The following MAN2A1 variants were observed in gnomAD, a reference collection of about 807,000 sequenced individuals.
MAN2A1 encodes the protein mannosidase alpha class 2A member 1, also known as alpha-mannosidase 2.
Under a neutral mutation model 142.6 loss-of-function variants are expected in MAN2A1, and 76 were observed. The observed-to-expected ratio is 0.53, with a 90% confidence interval of 0.44 to 0.65. The LOEUF is 0.65. Among genes scored for constraint, MAN2A1 ranks in the 30% least tolerant of loss-of-function variants. MAN2A1 has a pLI of 0.00. For synonymous variants in MAN2A1, 559 were observed against 473.2 expected, an observed-to-expected ratio of 1.18 and a Z score of -2.35; for missense variants, 1,311 against 1,365.1, an observed-to-expected ratio of 0.96 and a Z score of 0.62.
In MAN2A1 at chr5:109,755,443, G is replaced by C; in HGVS notation, c.822G>C (p.Leu274=). The change falls in exon 5 of 22, where the codon CTG becomes CTC. Residue 274 remains leucine (L), a synonymous_variant. Transcript: ENST00000261483. ...AACTAATTGAAGGACATCAGTGGCT[G>C]GAAAATAATATAGGTATGTATTGGT... The part of the protein sequence containing the change: ...IDQLIEGHQW[L]ENNIGVKPRS... The C allele has an allele frequency of 1.2e-6, 2 of 1,611,356 alleles. No individual in the cohort carries two copies. Among genetic ancestry groups the C allele is most frequent in the Non-Finnish European group, 1.7e-6 (2 of 1,177,778 alleles).
intron 8 of MAN2A1, among the ~76,000 whole-genome samples, chr5:109,776,404 C>G (rs972505600): frequency 6.6e-6 from 1 of 151,828 alleles, no homozygotes; most frequent in Admixed American, 6.6e-5. Flanking sequence ...GTGTATTTTC[C>G]TGAGAGATGA....
chr5:109,763,046 C>T lies in MAN2A1; in HGVS notation c.836-4489C>T, dbSNP rs1450970773. On this transcript the variant is annotated intron_variant, in intron 5 of 21. Coordinates refer to ENST00000261483, the MANE Select transcript of MAN2A1 (RefSeq NM_002372.4). ...TACAGGGTTACAACAGAGGAGACTT[C>T]GTTATCATGCTGGCTCAAGTAGACC... Among the ~76,000 whole-genome samples the T allele has an allele frequency of 2.0e-5, 3 of 152,196 alleles. No individual in the cohort carries two copies. In the East Asian group the frequency reaches 5.8e-4, roughly 29 times the overall value.
At position 109,851,123 on chromosome 5, in the gene MAN2A1, C is replaced by T. The variant is rs531897243; in HGVS notation, c.2976+3333C>T. 1.2e-3 allele frequency among the ~76,000 whole-genome samples: 186 copies of T among 152,228 alleles called. 1 individual carries two copies. The highest frequency in any genetic ancestry group is 4.3e-3 in the African/African-American group (178 of 41,536). ...TGACAGAGCCTCATGGAAATAATCC[C>T]GAGCTGACTAAGTGGAAGTAAGTCC... is the stretch of plus-strand genomic sequence containing the variant. On this transcript the variant is annotated intron_variant, in intron 19 of 21. Coordinates refer to ENST00000261483, the MANE Select transcript of MAN2A1 (RefSeq NM_002372.4).
At chr5:109,806,120 A>G (rs1156545519) in intron 12 of MAN2A1, among the ~76,000 whole-genome samples, 2 of 152,120 alleles carry the variant, frequency 1.3e-5, no homozygotes, top group Non-Finnish European at 2.9e-5. Context: ...GCAGTCTGAT[A>G]AGGCTCTGTT....
rs11351742 is a variant in MAN2A1 at position 109,867,157 on chromosome 5, G to GAAAAAAAAAAA, written c.*170_*180dup. 1.1e-5 allele frequency: 1 copy of GAAAAAAAAAAA among 93,454 alleles called. No homozygotes were observed. Among genetic ancestry groups the GAAAAAAAAAAA allele is most frequent in the Non-Finnish European group, 2.1e-5 (1 of 47,770 alleles). 5.8% of individuals were successfully genotyped at this position (93,454 alleles called of 1,614,324 possible). A position where few individuals can be genotyped will look rare whatever the true frequency, so the allele number is the denominator to read the frequency against. ...CTTTTTTCTTTTACCAGTACAGTAA[G>GAAAAAAAAAAA]AAAAAAAAAAAAAAAAAAAAAGCCA... On this transcript the variant is annotated 3_prime_UTR_variant, in exon 22 of 22. Transcript: ENST00000261483.
chr5:109,771,378 G>A (rs1305654410), intron 7 of MAN2A1, among the ~76,000 whole-genome samples: 4 of 152,104 alleles, frequency 2.6e-5, no homozygotes, highest in Non-Finnish European at 5.9e-5. Flanking sequence ...AGTGTGTGAG[G>A]AAGAAGGTGA....
chr5:109,843,621 A>C (rs1003216136), intron 17 of MAN2A1, among the ~76,000 whole-genome samples: 1 of 152,220 alleles, frequency 6.6e-6, no homozygotes, highest in Non-Finnish European at 1.5e-5. Context: ...ACACAGACAC[A>C]CATGTATACA....
chr5:109,785,807 G>A (rs970378780), intron 10 of MAN2A1, among the ~76,000 whole-genome samples: 1 of 151,926 alleles, frequency 6.6e-6, no homozygotes, highest in African/African-American at 2.4e-5. Flanking sequence ...TATCAGCAGT[G>A]TTGTGCTTTG....
intron 5 of MAN2A1, among the ~76,000 whole-genome samples, chr5:109,761,527 C>T (rs1418621681): frequency 6.6e-6 from 1 of 152,014 alleles, no homozygotes; most frequent in Non-Finnish European, 1.5e-5. Context: ...GTTAAAAAGT[C>T]ATTGACTTCC....
intron 7 of MAN2A1, 29 bp downstream of exon 7, chr5:109,770,570 C>A: frequency 6.3e-7 from 1 of 1,597,212 alleles, no homozygotes; most frequent in Non-Finnish European, 8.6e-7. Flanking sequence ...CATAAGACAA[C>A]ATCTTGAATA....
Position 109,732,844 on chromosome 5 carries a change from G to A in MAN2A1, c.707+3331G>A, listed in dbSNP as rs1034979497. On this transcript the variant is annotated intron_variant, in intron 4 of 21. Coordinates refer to ENST00000261483, the MANE Select transcript of MAN2A1 (RefSeq NM_002372.4). ...TGGCTTAGGATTGACTTGGCGATGCGGGCTCTTTTTTGGTTCCATATGAAC... is the reference window on the plus strand; with the variant it reads ...TGGCTTAGGATTGACTTGGCGATGCAGGCTCTTTTTTGGTTCCATATGAAC... Among the ~76,000 whole-genome samples the A allele has an allele frequency of 2.4e-3, 369 of 151,360 alleles. 6 individuals carry two copies. The highest frequency in any genetic ancestry group is 0.023 in the Admixed American group (356 of 15,174).
intron 4 of MAN2A1, among the ~76,000 whole-genome samples, chr5:109,741,410 T>C (rs1752263608): frequency 6.6e-6 from 1 of 152,240 alleles, no homozygotes; most frequent in Admixed American, 6.5e-5. Context: ...TTAATAGATA[T>C]TTAAGTTTGC....
chr5:109,808,621 T>G (rs952229233), intron 12 of MAN2A1, among the ~76,000 whole-genome samples: 1 of 152,078 alleles, frequency 6.6e-6, no homozygotes, highest in South Asian at 2.1e-4. Context: ...AATAGTATTG[T>G]TTAGATATTT....
At chr5:109,797,995 C>G (rs970615243) in intron 12 of MAN2A1, among the ~76,000 whole-genome samples, 3 of 152,104 alleles carry the variant, frequency 2.0e-5, no homozygotes, top group African/African-American at 7.2e-5. Context: ...TTAAAAATTT[C>G]TTGATGAGGT....
intron 4 of MAN2A1, among the ~76,000 whole-genome samples, chr5:109,749,604 C>T (rs1048248537): frequency 1.3e-5 from 2 of 151,944 alleles, no homozygotes; most frequent in African/African-American, 4.8e-5. Flanking sequence ...TATCCTTTCA[C>T]TTTGGCCTTT....
At position 109,732,568 on chromosome 5, in the gene MAN2A1, G is replaced by A. The variant is rs575241360; in HGVS notation, c.707+3055G>A. Among the ~76,000 whole-genome samples, 177 of 151,958 alleles carry A rather than the reference G, an allele frequency of 1.2e-3. 1 individual carries two copies. The highest frequency in any genetic ancestry group is 4.2e-3 in the African/African-American group (175 of 41,466). On this transcript the variant is annotated intron_variant, in intron 4 of 21. Transcript: ENST00000261483. The stretch of plus-strand genomic sequence containing the variant: ...GGTTTAAGGAAGGGATCCAGTTTCA[G>A]CTTTCTGCTTATGGCTAGCCAGTTT...
chr5:109,767,514 A>G (rs754040222), intron 5 of MAN2A1, 21 bp from the exon 6 acceptor site: 1 of 1,591,890 alleles, frequency 6.3e-7, no homozygotes, highest in African/African-American at 1.4e-5. Flanking sequence ...AAAAATTAAC[A>G]CTTATCATCT....
In MAN2A1 at chr5:109,781,270, G is replaced by T. The variant is rs1753448134; in HGVS notation, c.1375-126G>T. The T allele has an allele frequency of 7.3e-6, 4 of 548,782 alleles. No individual in the cohort carries two copies. In the East Asian group the frequency reaches 1.3e-4, roughly 17 times the overall value. 34.0% of individuals were successfully genotyped at this position (548,782 alleles called of 1,614,324 possible). Reference sequence around the variant, plus strand: ...CCTGCTTCTGATTTTTATAAAATCTGAGCTATGTATTCATCTTAACTTGGA... The same window carrying T: ...CCTGCTTCTGATTTTTATAAAATCTTAGCTATGTATTCATCTTAACTTGGA... On this transcript the variant is annotated intron_variant, in intron 8 of 21. Transcript: ENST00000261483.
intron 12 of MAN2A1, among the ~76,000 whole-genome samples, chr5:109,797,135 G>A (rs1226773200): frequency 6.6e-6 from 1 of 152,146 alleles, no homozygotes; most frequent in African/African-American, 2.4e-5. Flanking sequence ...GTGATTGAAA[G>A]GTTGTCATAG....
Sources: gnomAD v4.1 joint callset for allele counts (sites outside exome capture counted in the v4.1 genomes callset) on GRCh38, gnomAD v4.1.1 for gene constraint, MANE v1.5 for transcripts, NCBI Gene and HGNC (gene_info 2026-07-23, HGNC 2026-07-21) for gene names.